Variants in SRP14 observed in about 807,000 individuals in gnomAD.
SRP14 encodes the protein signal recognition particle 14 kDa protein.
A neutral mutation model predicts 16.0 loss-of-function variants in SRP14; 1 was observed. The ratio of observed to expected loss-of-function variants is 0.06; its 90% CI spans 0.02 to 0.30. The LOEUF (loss-of-function observed/expected upper bound fraction) is 0.30. Among genes scored for constraint, SRP14 ranks in the 10% least tolerant of loss-of-function variants. The pLI, the probability that SRP14 is intolerant of heterozygous loss-of-function variation, is 1.00. For missense variants in SRP14, 120 were observed against 163.1 expected, an observed-to-expected ratio of 0.74 and a Z score of 1.44; for synonymous variants, 67 against 60.1, an observed-to-expected ratio of 1.12 and a Z score of -0.53.
At chr15:40,037,294 A>AAAAAAAAAAAAAAC in intron 3 of SRP14, 2 of 1,352,536 alleles carry the variant, frequency 1.5e-6, no homozygotes, top group South Asian at 1.4e-5. Flanking sequence ...AAAAAAAAAA[A>AAAAAAAAAAAAAAC]GCTTTGTTTC....
rs1175583376 is a variant in SRP14 at position 40,037,755 on chromosome 15, C to A, written c.210+527G>T. ...ATTTTCATGCAGTCAGTATCCTACA[C>A]TAATGTGATTTCTGCCACAGCAGAA... On this transcript the variant is annotated intron_variant, in intron 3 of 4. Transcript: ENST00000267884. Among the ~76,000 whole-genome samples, 3 of 152,234 alleles carry A rather than the reference C, an allele frequency of 2.0e-5. No individual in the cohort carries two copies. In the South Asian group the frequency reaches 6.2e-4, roughly 31 times the overall value.
intron 1 of SRP14, 22 bp downstream of exon 1, chr15:40,039,071 G>C: frequency 6.2e-7 from 1 of 1,608,294 alleles, no homozygotes; most frequent in Non-Finnish European, 8.5e-7. Context: ...CCCTTCCCTC[G>C]GCCGGCCAGG....
chr15:40,038,542 C>G, intron 2 of SRP14, 148 bp from the exon 3 acceptor site: 2 of 632,158 alleles, frequency 3.2e-6, no homozygotes, highest in Non-Finnish European at 5.6e-6. Flanking sequence ...CTATCACGGT[C>G]TGGCGAAACC....
Position 40,037,008 on chromosome 15 carries a change from T to C in SRP14, c.221A>G (p.Lys74Arg). ...KKKISTVVSS[K>R]EVNKFQMAYS... ...CACCATCTGAAACTTATTCACTTCC[T>C]TGGAGCTCACCTGAAAAAGAAGGAA... is the stretch of plus-strand genomic sequence containing the variant. The change falls in exon 4 of 5, where the codon AAG becomes AGG. Residue 74 changes from lysine to arginine, a missense_variant. Lys to Arg is a conservative substitution (Grantham distance 26). This residue lies in a region of SRP14 where 44 missense variants were observed against 93.1 expected (regional missense o/e 0.47). Transcript: ENST00000267884. The C allele has an allele frequency of 6.2e-7, 1 of 1,613,878 alleles. No individual in the cohort carries two copies.
Position 40,038,942 on chromosome 15 carries a change from T to C in SRP14, c.31A>G (p.Thr11Ala). The C allele has an allele frequency of 6.2e-7, 1 of 1,612,550 alleles. No individual in the cohort carries two copies. Among genetic ancestry groups the C allele is most frequent in the South Asian group, 1.1e-5 (1 of 90,836 alleles). The change falls in exon 2 of 5, where the codon ACG (threonine) becomes GCG (alanine). Residue 11 changes from threonine to alanine, a missense_variant. Thr to Ala is a moderately conservative substitution (Grantham distance 58). Transcript: ENST00000267884. ...TTCTGGAAAAGTCTGGTCAGCTCCGTCAGGAACTGGAAAACAACAGGCCCA... is the reference window on the plus strand; with the variant it reads ...TTCTGGAAAAGTCTGGTCAGCTCCGCCAGGAACTGGAAAACAACAGGCCCA... MVLLESEQFL[T>A]ELTRLFQKCR...
In SRP14 at chr15:40,038,901, G is replaced by A. The variant is rs1482905373; in HGVS notation, c.72C>T (p.Gly24=). ...TRLFQKCRTS[G]SVYITLKKYD... ...ACTTCTTCAAGGTGATATAGACGCT[G>A]CCCGACGTCCGGCACTTCTGGAAAA... The change falls in exon 2 of 5, where the codon GGC becomes GGT. Residue 24 remains glycine, a synonymous_variant. Transcript: ENST00000267884. The A allele has an allele frequency of 6.2e-7, 1 of 1,613,738 alleles. No individual in the cohort carries two copies. The highest frequency in any genetic ancestry group is 1.3e-5 in the African/African-American group (1 of 74,924).
At position 40,038,327 on chromosome 15, in the gene SRP14, CTTG is replaced by C. The variant is rs764915920; in HGVS notation, c.162_164del (p.Asn54del). 57 of 1,614,048 alleles carry C rather than the reference CTTG, an allele frequency of 3.5e-5. No individual in the cohort carries two copies. Among genetic ancestry groups the C allele is most frequent in the Middle Eastern group, 1.6e-4 (1 of 6,084 alleles). On this transcript the variant is annotated inframe_deletion, in exon 3 of 5. Coordinates refer to ENST00000267884, the MANE Select transcript of SRP14 (RefSeq NM_003134.6). ...TCCCATCGGTAGCTCTTAACAGACA[CTTG>C]TTGTCTGCGGGCTCAAAGCCCTCCA...
rs758241168 is a variant in SRP14 at position 40,037,031 on chromosome 15, GAAA to G, written c.211-16_211-14del. 252 of 1,606,002 alleles carry G rather than the reference GAAA, an allele frequency of 1.6e-4. 1 individual carries two copies. The Admixed American group carries it at 4.3e-3, about 27-fold the overall frequency. On this transcript the variant is annotated splice_polypyrimidine_tract_variant and intron_variant, in intron 3 of 4. Coordinates refer to ENST00000267884, the MANE Select transcript of SRP14 (RefSeq NM_003134.6). ...CCTTGGAGCTCACCTGAAAAAGAAGGAAAAAAGAGGTCATACCTATTATCCATA... is the reference window on the plus strand; with the variant it reads ...CCTTGGAGCTCACCTGAAAAAGAAGGAAAGAGGTCATACCTATTATCCATA...
intron 3 of SRP14, chr15:40,037,467 G>T: frequency 1.5e-6 from 1 of 658,690 alleles, no homozygotes; most frequent in Non-Finnish European, 2.1e-6. Context: ...ATTAATTCAA[G>T]CATATTTAAG....
intron 4 of SRP14, 87 bp from the exon 5 acceptor site, chr15:40,036,587 G>C (rs1311168889): frequency 7.4e-7 from 1 of 1,357,062 alleles, no homozygotes; most frequent in South Asian, 1.3e-5. Context: ...ATTTAGGGTA[G>C]CCAAAAATCA....
chr15:40,036,450 G>C lies in SRP14; in HGVS notation c.294C>G (p.Asp98Glu). 1 of 1,613,988 alleles carries C rather than the reference G, an allele frequency of 6.2e-7. No homozygotes were observed. Among genetic ancestry groups the C allele is most frequent in the South Asian group, 1.1e-5 (1 of 91,080 alleles). The change falls in exon 5 of 5, where the codon GAC (aspartate) becomes GAG (glutamate). Residue 98 changes from aspartate to glutamate, a missense_variant. Asp to Glu is a conservative substitution (Grantham distance 45). Around this residue, in one of 3 missense-constraint regions of SRP14, gnomAD observed 44 missense variants for 93.1 expected, o/e 0.47. Coordinates refer to ENST00000267884, the MANE Select transcript of SRP14 (RefSeq NM_003134.6). ...TGGTCTTCTTAGTTTTGTTCTTTTT[G>C]TCTCTCTTCTTCAGCCCATCCATGT... ...RANMDGLKKRDKKNKTKKTKA... is the reference protein window; with the variant it reads ...RANMDGLKKREKKNKTKKTKA...
intron 4 of SRP14, 76 bp downstream of exon 4, chr15:40,036,910 T>C: frequency 6.6e-7 from 1 of 1,515,380 alleles, no homozygotes; most frequent in Non-Finnish European, 9.2e-7. Context: ...AACCCAAGTA[T>C]CAATCTTACC....
Position 40,036,421 on chromosome 15 carries a change from G to GCTT in SRP14, c.320_322dup (p.Lys107_Ala108insGlu). ...TGCTGCTGCTGCTGCTGCTGCTGCT[G>GCTT]CTTTGGTCTTCTTAGTTTTGTTCTT... On this transcript the variant is annotated inframe_insertion, in exon 5 of 5. Transcript: ENST00000267884. 6.2e-7 allele frequency: 1 copy of GCTT among 1,614,112 alleles called. No individual in the cohort carries two copies.
At chr15:40,037,668 G>A (rs544395703) in intron 3 of SRP14, among the ~76,000 whole-genome samples, 1 of 32,892 alleles carries the variant, frequency 3.0e-5, no homozygotes, top group South Asian at 9.0e-4. Flanking sequence ...AACCACATAA[G>A]CTTGTTTTAC....
intron 2 of SRP14, 198 bp downstream of exon 2, chr15:40,038,678 G>T: frequency 3.1e-6 from 2 of 638,092 alleles, no homozygotes; most frequent in Non-Finnish European, 5.4e-6. Context: ...ATTGTTACCA[G>T]AAGCAACCTA....
rs2035622030 is a variant in SRP14 at position 40,036,380 on chromosome 15, T to TTGCTGCTGCGGCAGGTGC, written c.346_363dup (p.Ala116_Ala121dup). On this transcript the variant is annotated inframe_insertion, in exon 5 of 5. Transcript: ENST00000267884. ...GTTGTTGCTGCTGTTGTTGGTGCTG[T>TTGCTGCTGCGGCAGGTGC]TGCTGCTGCGGCAGGTGCTGCTGCT... 1.9e-6 allele frequency: 3 copies of TTGCTGCTGCGGCAGGTGC among 1,611,998 alleles called. No homozygotes were observed. Among genetic ancestry groups the TTGCTGCTGCGGCAGGTGC allele is most frequent in the African/African-American group, 1.3e-5 (1 of 74,558 alleles).
At chr15:40,038,177 A>G (rs2035659518) in intron 3 of SRP14, 105 bp downstream of exon 3, 3 of 892,894 alleles carry the variant, frequency 3.4e-6, no homozygotes, top group South Asian at 1.4e-5. Flanking sequence ...ATAGCCACAC[A>G]GGGCAAAAGG....
At position 40,036,989 on chromosome 15, in the gene SRP14, C is replaced by G. The variant is rs1295697035; in HGVS notation, c.240G>C (p.Gln80His). The change falls in exon 4 of 5, where the codon CAG becomes CAC. Residue 80 changes from glutamine (Q) to histidine (H), a missense_variant. Around this residue, in one of 3 missense-constraint regions of SRP14, gnomAD observed 44 missense variants for 93.1 expected, o/e 0.47. Transcript: ENST00000267884. ...VVSSKEVNKF[Q>H]MAYSNLLRAN... ...ATAAGGAACACCCAAAACTCACCAT[C>G]TGAAACTTATTCACTTCCTTGGAGC... 1 of 1,614,014 alleles carries G rather than the reference C, an allele frequency of 6.2e-7. No individual in the cohort carries two copies. Among genetic ancestry groups the G allele is most frequent in the Non-Finnish European group, 8.5e-7 (1 of 1,180,012 alleles).
chr15:40,038,413 C>A lies in SRP14; in HGVS notation c.98-19G>T. The A allele has an allele frequency of 6.4e-7, 1 of 1,562,752 alleles. No individual in the cohort carries two copies. Among genetic ancestry groups the A allele is most frequent in the South Asian group, 1.1e-5 (1 of 90,104 alleles). On this transcript the variant is annotated intron_variant, in intron 2 of 4. Transcript: ENST00000267884. The stretch of plus-strand genomic sequence containing the variant: ...CCGTCATCTGAAGGAAAAAATGCAT[C>A]CTGGTGAACACGGCCGCGTACGTGG...
Sources: gnomAD v4.1 joint callset for allele counts (sites outside exome capture counted in the v4.1 genomes callset) on GRCh38, gnomAD v4.1.1 for gene constraint, gnomAD v4.1.1 regional missense constraint, MANE v1.5 for transcripts, NCBI Gene and HGNC (gene_info 2026-07-23, HGNC 2026-07-21) for gene names.